KCNG2: variants seen among roughly 807,000 people sequenced by gnomAD.
KCNG2 encodes potassium voltage-gated channel modifier subfamily G member 2.
KCNG2 carries 7 observed loss-of-function variants against 12.3 expected under a neutral mutation model. The observed-to-expected ratio is 0.57, with a 90% CI of 0.32 to 1.07. The LOEUF (loss-of-function observed/expected upper bound fraction) is 1.07. Ranked by LOEUF, KCNG2 falls within the 50% of genes least tolerant of loss-of-function variation. KCNG2 has a pLI of 0.04. For synonymous variants in KCNG2, 414 were observed against 351.4 expected, an observed-to-expected ratio of 1.18 and a Z score of -1.99; for missense variants, 703 against 726.0, an observed-to-expected ratio of 0.97 and a Z score of 0.36.
intron 3 of KCNG2, among the ~76,000 whole-genome samples, chr18:79,888,589 G>A (rs968303791): frequency 5.9e-5 from 9 of 152,210 alleles, no homozygotes; most frequent in South Asian, 4.1e-4. Context: ...GCCGCTGTGC[G>A]GTTCTCATTC....
intron 1 of KCNG2, among the ~76,000 whole-genome samples, chr18:79,843,603 G>A (rs1978531393): frequency 6.6e-6 from 1 of 152,232 alleles, no homozygotes; most frequent in African/African-American, 2.4e-5. Context: ...AAATGTGTGA[G>A]AAGAAAAAGT....
intron 3 of KCNG2, among the ~76,000 whole-genome samples, chr18:79,883,367 C>T (rs1299020413): frequency 2.0e-5 from 3 of 152,226 alleles, no homozygotes; most frequent in South Asian, 2.1e-4. Flanking sequence ...TGTCCAGACC[C>T]ATAAAGCTGA....
intron 3 of KCNG2, among the ~76,000 whole-genome samples, chr18:79,880,271 C>T (rs564141769): frequency 5.4e-5 from 8 of 147,038 alleles, no homozygotes; most frequent in Admixed American, 4.8e-4. Context: ...GAGCCAAGAT[C>T]GCGCCACTGC....
intron 1 of KCNG2, among the ~76,000 whole-genome samples, chr18:79,837,017 CAACTG>C (rs1978333346): frequency 6.6e-6 from 1 of 152,156 alleles, no homozygotes; most frequent in Non-Finnish European, 1.5e-5. Context: ...TGCAAAGTCT[CAACTG>C]AAATAAGACA....
chr18:79,887,155 GA>G (rs1164167803), intron 3 of KCNG2, among the ~76,000 whole-genome samples: 1 of 150,462 alleles, frequency 6.6e-6, no homozygotes, highest in Non-Finnish European at 1.5e-5. Context: ...GGGACACGGG[GA>G]CAGAGGGACA....
intron 2 of KCNG2, among the ~76,000 whole-genome samples, 196 bp from the exon 3 acceptor site, chr18:79,863,432 G>T (rs957318908): frequency 3.9e-5 from 6 of 152,238 alleles, no homozygotes; most frequent in Non-Finnish European, 8.8e-5. Context: ...GGCGGGGTCC[G>T]CTGGACGCTT....
chr18:79,809,487 T>C (rs370268161), intron 1 of KCNG2, among the ~76,000 whole-genome samples: 518 of 55,554 alleles, frequency 9.3e-3, no homozygotes, highest in Middle Eastern at 0.031. Context: ...CTCCACGTTA[T>C]GGGCCCAGAG....
chr18:79,868,802 C>T (rs1979713113), intron 3 of KCNG2, among the ~76,000 whole-genome samples: 1 of 152,220 alleles, frequency 6.6e-6, no homozygotes, highest in South Asian at 2.1e-4. Flanking sequence ...TCAGACGAGC[C>T]AAATCACTGG....
intron 3 of KCNG2, among the ~76,000 whole-genome samples, chr18:79,872,841 A>G (rs888347637): frequency 1.3e-5 from 2 of 152,210 alleles, no homozygotes; most frequent in Admixed American, 1.3e-4. Context: ...AGTGCTCAGC[A>G]CACAGAATCA....
chr18:79,898,952 C>T (rs1007527736), intron 3 of KCNG2, 88 bp from the exon 4 acceptor site: 15 of 998,622 alleles, frequency 1.5e-5, no homozygotes, highest in South Asian at 5.3e-5. Context: ...GCCTGGGGGA[C>T]GCCTCTGGTC....
chr18:79,859,942 TG>T (rs1034808996), intron 2 of KCNG2, among the ~76,000 whole-genome samples: 1 of 152,206 alleles, frequency 6.6e-6, no homozygotes, highest in African/African-American at 2.4e-5. Flanking sequence ...TACCTGAGAC[TG>T]GGTAATTTAT....
intron 1 of KCNG2, among the ~76,000 whole-genome samples, chr18:79,816,753 C>G (rs1328166159): frequency 6.6e-6 from 1 of 152,188 alleles, no homozygotes; most frequent in Non-Finnish European, 1.5e-5. Context: ...TTCGCTGTTT[C>G]CTGAGTGACA....
At chr18:79,880,686 C>T (rs1265572713) in intron 3 of KCNG2, among the ~76,000 whole-genome samples, 2 of 152,142 alleles carry the variant, frequency 1.3e-5, no homozygotes, top group Admixed American at 6.5e-5. Flanking sequence ...TGAACTCATG[C>T]GAAACTCCTC....
At chr18:79,824,299 T>TAAATGG (rs2087595551) in intron 1 of KCNG2, among the ~76,000 whole-genome samples, 1 of 152,260 alleles carries the variant, frequency 6.6e-6, no homozygotes, top group Admixed American at 6.5e-5. Flanking sequence ...TGCTTGGCCA[T>TAAATGG]AAATGGACTT....
At chr18:79,870,226 G>C (rs1979777048) in intron 3 of KCNG2, among the ~76,000 whole-genome samples, 1 of 152,262 alleles carries the variant, frequency 6.6e-6, no homozygotes, top group African/African-American at 2.4e-5. Flanking sequence ...ATACAGACGG[G>C]ATCACGAGCT....
chr18:79,829,134 C>T (rs1568248723), intron 1 of KCNG2, among the ~76,000 whole-genome samples: 2 of 130,624 alleles, frequency 1.5e-5, no homozygotes. Context: ...GTGCATGTGT[C>T]TGTGTGTGGG....
chr18:79,844,789 A>G (rs753399911), intron 1 of KCNG2, among the ~76,000 whole-genome samples: 7 of 152,258 alleles, frequency 4.6e-5, no homozygotes, highest in Non-Finnish European at 1.5e-5. Flanking sequence ...TTTCTCTCAT[A>G]CATTGCTGGT....
chr18:79,874,597 C>A (rs1189257042), intron 3 of KCNG2, among the ~76,000 whole-genome samples: 1 of 152,248 alleles, frequency 6.6e-6, no homozygotes, highest in Admixed American at 6.5e-5. Flanking sequence ...TTGATTCTCT[C>A]CTACTGCATA....
chr18:79,825,527 C>T (rs1329957012), intron 1 of KCNG2, among the ~76,000 whole-genome samples: 1 of 152,176 alleles, frequency 6.6e-6, no homozygotes. Context: ...GCTTTAACGC[C>T]TGAGAGTTAC....
Sources: allele counts gnomAD v4.1 joint callset (sites outside exome capture counted in the v4.1 genomes callset), GRCh38; gene constraint gnomAD v4.1.1; transcripts MANE v1.5; gene names NCBI Gene and HGNC (gene_info 2026-07-23, HGNC 2026-07-21).